KPNA1: variants seen among roughly 807,000 people sequenced by gnomAD.
KPNA1 encodes the protein importin subunit alpha-5.
KPNA1 carries 10 observed loss-of-function variants against 70.5 expected under a neutral mutation model. That is an observed-to-expected ratio of 0.14 (90% CI 0.09 to 0.24). The LOEUF (loss-of-function observed/expected upper bound fraction) is 0.24, where lower values mean the gene tolerates loss of function less well. KPNA1 is among the 10% of genes least tolerant of loss of function. The probability of loss-of-function intolerance (pLI) is 1.00; values close to 1 mark genes in which losing one functional copy is unlikely to be tolerated. For missense variants in KPNA1, 397 were observed against 637.9 expected (o/e 0.62, Z 4.07); for synonymous variants, 192 against 221.9 (o/e 0.87, Z 1.20).
At chr3:122,474,539 A>ATG (rs1162040971) in intron 2 of KPNA1, among the ~76,000 whole-genome samples, 1 of 152,194 alleles carries the variant, frequency 6.6e-6, no homozygotes, top group African/African-American at 2.4e-5. Context: ...ATCTAGTACA[A>ATG]TGATCTTCAA....
At chr3:122,471,410 A>G (rs954035164) in intron 2 of KPNA1, among the ~76,000 whole-genome samples, 3 of 152,248 alleles carry the variant, frequency 2.0e-5, no homozygotes, top group Admixed American at 6.5e-5. Flanking sequence ...CAAAAAATAA[A>G]GACTAAAAGA....
intron 10 of KPNA1, 113 bp downstream of exon 10, chr3:122,441,925 C>A: frequency 1.2e-6 from 1 of 859,192 alleles, no homozygotes; most frequent in Admixed American, 2.0e-5. Flanking sequence ...ATTAGTGTAA[C>A]AGAGTATCAA....
In KPNA1 at chr3:122,426,986, C is replaced by T. The variant is rs1296321843; in HGVS notation, c.1616G>A (p.Ter539=). The T allele has an allele frequency of 1.2e-6, 2 of 1,613,734 alleles. No homozygotes were observed. Among genetic ancestry groups the T allele is most frequent in the Non-Finnish European group, 1.7e-6 (2 of 1,179,724 alleles). Residue 539 remains the stop codon, a stop_retained_variant, in exon 14 of 14, where the codon TGA becomes TAA. Transcript: ENST00000344337. The stretch of plus-strand genomic sequence containing the variant: ...GGTACGTGAAAGCAGAGTATTGCTT[C>T]AAAGCTGGAAACCTTCCATAGGAGC... ...CEAPMEGFQL[*]
intron 11 of KPNA1, among the ~76,000 whole-genome samples, chr3:122,435,846 C>T (rs1456028850): frequency 2.0e-5 from 3 of 152,012 alleles, no homozygotes; most frequent in Non-Finnish European, 2.9e-5. Context: ...GCCTCAGGAC[C>T]CTGTGATGAT....
chr3:122,469,665 C>T (rs752303433), intron 2 of KPNA1, among the ~76,000 whole-genome samples: 1 of 152,118 alleles, frequency 6.6e-6, no homozygotes, highest in Non-Finnish European at 1.5e-5. Context: ...GGGAACAAAA[C>T]CACTGGAAGC....
At chr3:122,458,035 C>A (rs987029072) in intron 5 of KPNA1, among the ~76,000 whole-genome samples, 2 of 151,888 alleles carry the variant, frequency 1.3e-5, no homozygotes, top group African/African-American at 4.8e-5. Flanking sequence ...TTAGAGGGGA[C>A]AAGAAAGGCA....
chr3:122,441,185 G>A (rs926565341), intron 10 of KPNA1, among the ~76,000 whole-genome samples: 3 of 152,192 alleles, frequency 2.0e-5, no homozygotes, highest in Non-Finnish European at 2.9e-5. Context: ...TTGCTAGGGA[G>A]AAATAAATGG....
At chr3:122,509,620 C>T (rs1219890722) in intron 1 of KPNA1, among the ~76,000 whole-genome samples, 1 of 152,104 alleles carries the variant, frequency 6.6e-6, no homozygotes. Context: ...GTCTATAACA[C>T]AATACCTAAA....
chr3:122,455,716 C>T (rs935383527), intron 5 of KPNA1, among the ~76,000 whole-genome samples: 10 of 151,986 alleles, frequency 6.6e-5, no homozygotes, highest in Non-Finnish European at 5.9e-5. Flanking sequence ...CCACCACGCC[C>T]GGCTAATTTT....
intron 2 of KPNA1, among the ~76,000 whole-genome samples, chr3:122,475,795 A>G (rs1403697708): frequency 6.6e-6 from 1 of 152,216 alleles, no homozygotes; most frequent in African/African-American, 2.4e-5. Flanking sequence ...TTTTTACAAT[A>G]AAGTAAGCTA....
intron 5 of KPNA1, among the ~76,000 whole-genome samples, chr3:122,457,112 G>A (rs1210593392): frequency 9.9e-6 from 1 of 100,702 alleles, no homozygotes; most frequent in Non-Finnish European, 2.4e-5. Flanking sequence ...ACTGTTAAAC[G>A]TATTTATGTT....
chr3:122,473,459 G>A (rs1315453003), intron 2 of KPNA1, among the ~76,000 whole-genome samples: 1 of 152,044 alleles, frequency 6.6e-6, no homozygotes, highest in Non-Finnish European at 1.5e-5. Context: ...ATGAACACAG[G>A]TGCAAAATCC....
intron 4 of KPNA1, among the ~76,000 whole-genome samples, chr3:122,463,211 G>A (rs527961245): frequency 6.6e-5 from 10 of 152,200 alleles, no homozygotes; most frequent in South Asian, 6.2e-4. Context: ...AGCTGGGCAC[G>A]GTGGCGAGCG....
chr3:122,430,469 G>A (rs2075886480), intron 12 of KPNA1, among the ~76,000 whole-genome samples: 1 of 150,942 alleles, frequency 6.6e-6, no homozygotes, highest in African/African-American at 2.4e-5. Flanking sequence ...AAGTTTCCTG[G>A]AACCTATCAA....
intron 8 of KPNA1, 59 bp downstream of exon 8, chr3:122,451,475 G>T: frequency 2.3e-6 from 2 of 853,992 alleles, no homozygotes; most frequent in Non-Finnish European, 3.8e-6. Flanking sequence ...CTTACCATTG[G>T]TTGCAATACT....
chr3:122,440,872 C>A (rs1434476782), intron 10 of KPNA1, among the ~76,000 whole-genome samples: 1 of 152,112 alleles, frequency 6.6e-6, no homozygotes, highest in Non-Finnish European at 1.5e-5. Flanking sequence ...AGCAGAGGTT[C>A]AGGTAATGCA....
At chr3:122,461,145 T>C in intron 5 of KPNA1, 79 bp downstream of exon 5, 1 of 846,278 alleles carries the variant, frequency 1.2e-6, no homozygotes, top group African/African-American at 1.7e-5. Context: ...CAGATAAAAA[T>C]TAGTAACAAA....
At chr3:122,477,526 C>A (rs1480433128) in intron 2 of KPNA1, among the ~76,000 whole-genome samples, 1 of 152,064 alleles carries the variant, frequency 6.6e-6, no homozygotes, top group Admixed American at 6.6e-5. Context: ...ACAGCAAGAC[C>A]CTGCCTCTAC....
chr3:122,429,792 C>CTATAATCTAATCAAGACAGTGTGG (rs2075876445), intron 12 of KPNA1, among the ~76,000 whole-genome samples: 1 of 152,100 alleles, frequency 6.6e-6, no homozygotes, highest in African/African-American at 2.4e-5. Flanking sequence ...TATCAACTTA[C>CTATAATCTAATCAAGACAGTGTGG]TATAATCTAA....
Sources: gnomAD v4.1 joint callset for allele counts (sites outside exome capture counted in the v4.1 genomes callset) on GRCh38, gnomAD v4.1.1 for gene constraint, MANE v1.5 for transcripts, NCBI Gene and HGNC (gene_info 2026-07-23, HGNC 2026-07-21) for gene names.